QSER1: variants seen among roughly 807,000 people sequenced by gnomAD.
QSER1 encodes the protein glutamine and serine rich 1, also known as glutamine and serine-rich protein 1.
In QSER1, 49 loss-of-function variants were observed where a neutral mutation model predicts 158.5. The observed-to-expected ratio is 0.31, with a 90% CI of 0.25 to 0.39. The LOEUF is 0.39. Ranked by LOEUF, QSER1 falls within the 10% of genes least tolerant of loss-of-function variation. The pLI, the probability that QSER1 is intolerant of heterozygous loss-of-function variation, is 1.00. For missense variants in QSER1, 1,754 were observed against 2,010.3 expected (o/e 0.87, Z 2.44); for synonymous variants, 650 against 715.5 (o/e 0.91, Z 1.46).
chr11:32,954,145 T>C lies in QSER1; in HGVS notation c.4466T>C (p.Phe1489Ser). ...GEGQYRERDE[F>S]VVKIEDIETF... ...GGCCAATACAGAGAGCGTGATGAATTTGTGGTAAAGATAGAAGACATAGAG... is the reference window on the plus strand; with the variant it reads ...GGCCAATACAGAGAGCGTGATGAATCTGTGGTAAAGATAGAAGACATAGAG... The change falls in exon 5 of 13, where the codon TTT becomes TCT. Residue 1489 changes from phenylalanine (F) to serine (S), a missense_variant. Physicochemically the swap from Phe to Ser is radical, Grantham distance 155 (BLOSUM62 -2). This residue lies in a region of QSER1 where 1,707 missense variants were observed against 1,919.6 expected (regional missense o/e 0.89). Transcript: ENST00000650167. 2 of 1,613,702 alleles carry C rather than the reference T, an allele frequency of 1.2e-6. No homozygotes were observed. The highest frequency in any genetic ancestry group is 1.7e-6 in the Non-Finnish European group (2 of 1,179,954).
intron 4 of QSER1, among the ~76,000 whole-genome samples, chr11:32,946,256 C>G (rs1341270476): frequency 2.0e-5 from 3 of 152,228 alleles, no homozygotes; most frequent in Non-Finnish European, 4.4e-5. Flanking sequence ...CATTCTCTGT[C>G]CAGCTTTGTT....
In QSER1 at chr11:32,957,694, A is replaced by T; in HGVS notation, c.4752-175A>T. 3 of 588,894 alleles carry T rather than the reference A, an allele frequency of 5.1e-6. No homozygotes were observed. In the South Asian group the frequency reaches 7.7e-5, roughly 15 times the overall value. The allele number at this position is 588,894 out of a possible 1,614,324, so 36.5% of individuals were successfully genotyped here. On this transcript the variant is annotated intron_variant, in intron 7 of 12. Transcript: ENST00000650167. The stretch of plus-strand genomic sequence containing the variant: ...CTTCTGGTGAAAAGAATGTATTTTA[A>T]GAAAATTTTATGGGAATCACCATTG...
intron 11 of QSER1, among the ~76,000 whole-genome samples, chr11:32,974,671 G>C (rs1437532631): frequency 6.6e-6 from 1 of 152,180 alleles, no homozygotes; most frequent in Non-Finnish European, 1.5e-5. Flanking sequence ...CTAAGTACTA[G>C]AGATACAACA....
rs894009695 is a variant in QSER1 at position 32,979,354 on chromosome 11, A to T, written c.*2880A>T. ...TCCTACCTTTAGAGATCTAAAAAAA[A>T]TTTAATATAAAAAATCATTTTGTGT... On this transcript the variant is annotated 3_prime_UTR_variant, in exon 13 of 13. Coordinates refer to ENST00000650167, the MANE Select transcript of QSER1 (RefSeq NM_001076786.3). The T allele has an allele frequency of 7.2e-5, 11 of 152,790 alleles. No individual in the cohort carries two copies. The highest frequency in any genetic ancestry group is 2.1e-4 in the South Asian group (1 of 4,834). 9.5% of individuals were successfully genotyped at this position (152,790 alleles called of 1,614,324 possible).
chr11:32,923,793 C>T (rs1564930984), intron 1 of QSER1, among the ~76,000 whole-genome samples: 1 of 151,960 alleles, frequency 6.6e-6, no homozygotes, highest in Non-Finnish European at 1.5e-5. Context: ...CATGGTGAAA[C>T]CCCATCTCTA....
intron 4 of QSER1, among the ~76,000 whole-genome samples, chr11:32,946,375 C>T (rs1165614512): frequency 6.6e-6 from 1 of 151,780 alleles, no homozygotes; most frequent in East Asian, 1.9e-4. Flanking sequence ...GTTTTATCTA[C>T]TTTTGGTCTT....
intron 4 of QSER1, among the ~76,000 whole-genome samples, chr11:32,948,066 C>T (rs1385590235): frequency 6.6e-6 from 1 of 152,166 alleles, no homozygotes; most frequent in Non-Finnish European, 1.5e-5. Context: ...AAGCAGTATT[C>T]CCTGGGTACA....
At chr11:32,921,708 T>C (rs967491349) in intron 1 of QSER1, among the ~76,000 whole-genome samples, 1 of 152,222 alleles carries the variant, frequency 6.6e-6, no homozygotes, top group African/African-American at 2.4e-5. Context: ...TTTTCCCAAA[T>C]TGATGTTTAG....
chr11:32,956,505 T>C lies in QSER1; in HGVS notation c.4751+384T>C, dbSNP rs192688519. 2.6e-5 allele frequency among the ~76,000 whole-genome samples: 4 copies of C among 151,074 alleles called. No homozygotes were observed. The East Asian group carries it at 7.8e-4, about 29-fold the overall frequency. On this transcript the variant is annotated intron_variant, in intron 7 of 12. Transcript: ENST00000650167. ...AGTAAATTAAATTTAAAATAATTAT[T>C]GATAAAAAAACTATAAGAACTACAT...
chr11:32,965,710 G>C (rs1852728938), intron 8 of QSER1, among the ~76,000 whole-genome samples: 1 of 152,046 alleles, frequency 6.6e-6, no homozygotes, highest in Non-Finnish European at 1.5e-5. Flanking sequence ...ACTTTGGTAG[G>C]CTGAGGCAGG....
intron 3 of QSER1, 86 bp from the exon 4 acceptor site, chr11:32,931,657 G>A (rs1340131604): frequency 9.2e-7 from 1 of 1,088,126 alleles, no homozygotes; most frequent in East Asian, 2.4e-5. Flanking sequence ...ATTTTGATGA[G>A]TTGAGGGTTA....
In QSER1 at chr11:32,935,409, C is replaced by G; in HGVS notation, c.4151C>G (p.Ala1384Gly). The change falls in exon 4 of 13, where the codon GCT becomes GGT. Residue 1384 changes from alanine to glycine, a missense_variant. This residue lies in a region of QSER1 where 1,707 missense variants were observed against 1,919.6 expected (regional missense o/e 0.89). Transcript: ENST00000650167. ...TCTACTCCCTTAACTACTTTGGATGCTACTTCTGATAAAAAGAAGAAAACA... is the reference window on the plus strand; with the variant it reads ...TCTACTCCCTTAACTACTTTGGATGGTACTTCTGATAAAAAGAAGAAAACA... ...SVSTPLTTLD[A>G]TSDKKKKTEA... is the part of the protein sequence containing the mutation. 6.6e-7 allele frequency: 1 copy of G among 1,522,382 alleles called. No individual in the cohort carries two copies. The highest frequency in any genetic ancestry group is 8.8e-7 in the Non-Finnish European group (1 of 1,142,838). 94.3% of individuals were successfully genotyped at this position (1,522,382 alleles called of 1,614,324 possible).
chr11:32,925,494 T>TTTA (rs1851956200), intron 1 of QSER1, among the ~76,000 whole-genome samples: 20 of 143,568 alleles, frequency 1.4e-4, no homozygotes, highest in South Asian at 2.3e-4. Context: ...TACATCGCTT[T>TTTA]TTTATTTATT....
intron 8 of QSER1, among the ~76,000 whole-genome samples, chr11:32,958,392 CT>C (rs61443981): frequency 0.026 from 3,750 of 144,596 alleles, 68 homozygotes; most frequent in African/African-American, 0.056. Context: ...TAGTTCTAAA[CT>C]TTTTTTTTTT....
rs765276363 is a variant in QSER1 at position 32,934,295 on chromosome 11, G to A, written c.3037G>A (p.Gly1013Ser). 1 of 1,613,962 alleles carries A rather than the reference G, an allele frequency of 6.2e-7. No individual in the cohort carries two copies. The highest frequency in any genetic ancestry group is 8.5e-7 in the Non-Finnish European group (1 of 1,179,982). Reference protein sequence around the residue: ...SNETMQAVEDGDSKSHFQQSL... With the variant: ...SNETMQAVEDSDSKSHFQQSL... ...TGAAACCATGCAGGCTGTTGAAGAT[G>A]GTGATTCTAAATCTCATTTTCAGCA... The change falls in exon 4 of 13, where the codon GGT (glycine) becomes AGT (serine). Residue 1013 changes from glycine (G) to serine (S), a missense_variant. Around this residue, in one of 2 missense-constraint regions of QSER1, gnomAD observed 1,707 missense variants for 1,919.6 expected, o/e 0.89. Coordinates refer to ENST00000650167, the MANE Select transcript of QSER1 (RefSeq NM_001076786.3).
At chr11:32,920,702 T>TGTGA (rs1851889202) in intron 1 of QSER1, among the ~76,000 whole-genome samples, 1 of 152,338 alleles carries the variant, frequency 6.6e-6, no homozygotes, top group East Asian at 1.9e-4. Context: ...GAGCAAAGCA[T>TGTGA]GTGAGTAGAC....
intron 8 of QSER1, among the ~76,000 whole-genome samples, chr11:32,958,728 C>T (rs1852569472): frequency 6.6e-6 from 1 of 152,098 alleles, no homozygotes; most frequent in African/African-American, 2.4e-5. Context: ...AAAAGAATAA[C>T]TAAGCCTAGG....
Position 32,955,399 on chromosome 11 carries a change from C to G in QSER1, c.4604C>G (p.Ala1535Gly), listed in dbSNP as rs1165745889. 1 of 1,564,362 alleles carries G rather than the reference C, an allele frequency of 6.4e-7. No individual in the cohort carries two copies. Among genetic ancestry groups the G allele is most frequent in the Non-Finnish European group, 8.7e-7 (1 of 1,145,294 alleles). ...ATTCGAGATGGTCAAAGAGAATTTG[C>G]TGCTACAAATAGTGTAAGTAAAATG... ...PEIRDGQREF[A>G]ATNSYLGYFG... The change falls in exon 6 of 13, where the codon GCT becomes GGT. Residue 1535 changes from alanine to glycine, a missense_variant. Physicochemically the swap from Ala to Gly is moderately conservative, Grantham distance 60. Transcript: ENST00000650167.
At chr11:32,929,176 A>G (rs913490598) in intron 3 of QSER1, among the ~76,000 whole-genome samples, 3 of 152,124 alleles carry the variant, frequency 2.0e-5, no homozygotes, top group Non-Finnish European at 4.4e-5. Flanking sequence ...CAATGGCACA[A>G]TCTTGGCTCA....
Sources: allele counts gnomAD v4.1 joint callset (sites outside exome capture counted in the v4.1 genomes callset), GRCh38; gene constraint gnomAD v4.1.1; regional missense constraint gnomAD v4.1.1; transcripts MANE v1.5; gene names NCBI Gene and HGNC (gene_info 2026-07-23, HGNC 2026-07-21).